Variants in PTGER3 observed in about 807,000 individuals in gnomAD.
The protein encoded by PTGER3 is prostaglandin E2 receptor EP3 subtype.
PTGER3 carries 22 observed loss-of-function variants against 34.7 expected under a neutral mutation model. That is an observed-to-expected ratio of 0.63 (90% CI 0.45 to 0.91). The LOEUF is 0.91. Ranked by LOEUF, PTGER3 falls within the 40% of genes least tolerant of loss-of-function variation. The pLI is 0.00. For missense variants in PTGER3, 468 were observed against 519.4 expected, an observed-to-expected ratio of 0.90 and a Z score of 0.96; for synonymous variants, 241 against 230.1, an observed-to-expected ratio of 1.05 and a Z score of -0.43.
chr1:70,879,706 T>G (rs1646347964), intron 4 of PTGER3, among the ~76,000 whole-genome samples: 1 of 152,214 alleles, frequency 6.6e-6, no homozygotes, highest in Non-Finnish European at 1.5e-5. Context: ...ATGGATCTCT[T>G]GAAGACAGCA....
At chr1:71,013,105 G>A (rs948684848) in intron 1 of PTGER3, among the ~76,000 whole-genome samples, 2 of 151,836 alleles carry the variant, frequency 1.3e-5, no homozygotes, top group Non-Finnish European at 2.9e-5. Flanking sequence ...ACTTTTCTTT[G>A]CCCCCACCCA....
At chr1:71,028,397 A>G (rs1659126515) in intron 1 of PTGER3, among the ~76,000 whole-genome samples, 1 of 152,214 alleles carries the variant, frequency 6.6e-6, no homozygotes, top group Non-Finnish European at 1.5e-5. Flanking sequence ...CTAGATGACG[A>G]TGCTGAGCTT....
chr1:70,965,313 C>T (rs1022907047), intron 2 of PTGER3, among the ~76,000 whole-genome samples: 1 of 152,066 alleles, frequency 6.6e-6, no homozygotes, highest in African/African-American at 2.4e-5. Flanking sequence ...CAAAACATAA[C>T]TCTGGCAGCA....
chr1:70,975,790 T>A (rs1653631246), intron 2 of PTGER3, among the ~76,000 whole-genome samples: 1 of 152,018 alleles, frequency 6.6e-6, no homozygotes, highest in African/African-American at 2.4e-5. Flanking sequence ...TCTGGAAGAG[T>A]GGTCAGACTT....
chr1:71,001,722 A>G (rs1051914021), intron 2 of PTGER3, among the ~76,000 whole-genome samples: 10 of 152,152 alleles, frequency 6.6e-5, no homozygotes, highest in African/African-American at 2.4e-4. Flanking sequence ...CCCTTATTTT[A>G]CAGATGAGGT....
At chr1:70,897,035 G>T (rs1181665471) in intron 4 of PTGER3, among the ~76,000 whole-genome samples, 1 of 152,148 alleles carries the variant, frequency 6.6e-6, no homozygotes, top group African/African-American at 2.4e-5. Flanking sequence ...GATGAGGAAC[G>T]GTGTTTCTCA....
intron 1 of PTGER3, among the ~76,000 whole-genome samples, chr1:71,032,520 G>GA (rs1359597060): frequency 6.6e-6 from 1 of 152,174 alleles, no homozygotes; most frequent in Non-Finnish European, 1.5e-5. Flanking sequence ...TTGAAGCTTT[G>GA]AAAAAAGAAC....
chr1:70,988,500 C>A (rs1655129197), intron 2 of PTGER3, among the ~76,000 whole-genome samples: 1 of 152,152 alleles, frequency 6.6e-6, no homozygotes, highest in Non-Finnish European at 1.5e-5. Context: ...TAAAATTCTC[C>A]TTAAAGGAAA....
intron 4 of PTGER3, among the ~76,000 whole-genome samples, chr1:70,939,212 G>T (rs1302053806): frequency 6.6e-6 from 1 of 152,168 alleles, no homozygotes; most frequent in Non-Finnish European, 1.5e-5. Flanking sequence ...GATCTCCTTT[G>T]TCTCCATGTC....
At chr1:70,919,577 G>A (rs1379663406) in intron 4 of PTGER3, among the ~76,000 whole-genome samples, 4 of 152,068 alleles carry the variant, frequency 2.6e-5, no homozygotes, top group Non-Finnish European at 5.9e-5. Context: ...TTTCAATTCA[G>A]GTAGCAAACA....
At chr1:70,952,010 A>T (rs187630136), downstream of PTGER3, among the ~76,000 whole-genome samples, 1 of 152,196 alleles carries the variant, frequency 6.6e-6, no homozygotes, top group Admixed American at 6.5e-5. Context: ...TAGGGAAAAA[A>T]GTGGGATAGC....
At chr1:71,038,004 G>T (rs76320724) in intron 1 of PTGER3, among the ~76,000 whole-genome samples, 196 of 152,296 alleles carry the variant, frequency 1.3e-3, no homozygotes, top group African/African-American at 4.6e-3. Context: ...AAGGTTGTTG[G>T]TAGCAAGATG....
chr1:70,898,218 C>A (rs976807933), intron 4 of PTGER3, among the ~76,000 whole-genome samples: 47 of 152,104 alleles, frequency 3.1e-4, no homozygotes, highest in Admixed American at 2.0e-3. Flanking sequence ...CTGGGCAACC[C>A]AGGCCAATTC....
intron 2 of PTGER3, among the ~76,000 whole-genome samples, chr1:70,985,486 C>T (rs1234813739): frequency 1.3e-5 from 2 of 152,068 alleles, no homozygotes; most frequent in Non-Finnish European, 2.9e-5. Context: ...CTCATAAATG[C>T]AGAATGTTGG....
intron 4 of PTGER3, chr1:70,862,435 A>C: frequency 7.9e-7 from 1 of 1,266,658 alleles, no homozygotes; most frequent in Non-Finnish European, 1.1e-6. Flanking sequence ...TGTGCTGAAA[A>C]AGTCCTGCTT....
downstream of PTGER3, among the ~76,000 whole-genome samples, chr1:70,948,816 C>A (rs1342032699): frequency 1.3e-5 from 2 of 152,024 alleles, no homozygotes; most frequent in Non-Finnish European, 1.5e-5. Context: ...CAGGAAGGAC[C>A]ACAGCCTATC....
intron 4 of PTGER3, among the ~76,000 whole-genome samples, chr1:70,927,602 T>C (rs940674608): frequency 4.6e-5 from 7 of 152,076 alleles, no homozygotes; most frequent in Non-Finnish European, 8.8e-5. Context: ...TCTGGAAATA[T>C]AGATCTAAAT....
chr1:70,859,897 C>A (rs1645889838), intron 4 of PTGER3, among the ~76,000 whole-genome samples: 1 of 152,104 alleles, frequency 6.6e-6, no homozygotes, highest in Non-Finnish European at 1.5e-5. Flanking sequence ...CATCATAGAA[C>A]TTACTATTTG....
chr1:70,908,892 C>T (rs1306707154), intron 4 of PTGER3, among the ~76,000 whole-genome samples: 2 of 152,190 alleles, frequency 1.3e-5, no homozygotes, highest in Non-Finnish European at 2.9e-5. Context: ...ATTACAATTA[C>T]ATATCCATTT....
Sources: allele counts gnomAD v4.1 joint callset (sites outside exome capture counted in the v4.1 genomes callset), GRCh38; gene constraint gnomAD v4.1.1; transcripts MANE v1.5; gene names NCBI Gene and HGNC (gene_info 2026-07-23, HGNC 2026-07-21).